Variants in FAM120B observed in about 807,000 individuals in gnomAD.
The protein encoded by FAM120B is constitutive coactivator of peroxisome proliferator-activated receptor gamma.
Under a neutral mutation model 96.3 loss-of-function variants are expected in FAM120B, and 83 were observed. The ratio of observed to expected loss-of-function variants is 0.86; its 90% CI spans 0.72 to 1.03. The LOEUF is 1.03. Among genes scored for constraint, FAM120B ranks in the 50% least tolerant of loss-of-function variants. The pLI is 0.00. For synonymous variants in FAM120B, 407 were observed against 402.7 expected (o/e 1.01, Z -0.13); for missense variants, 1,027 against 1,121.2 (o/e 0.92, Z 1.20).
chr6:170,317,181 T>C (rs185096788), intron 1 of FAM120B, among the ~76,000 whole-genome samples, 189 bp from the exon 2 acceptor site: 1 of 152,370 alleles, frequency 6.6e-6, no homozygotes, highest in East Asian at 1.9e-4. Context: ...AATTAACTTA[T>C]ACTTAGGTAA....
chr6:170,372,841 T>C (rs576138526), intron 6 of FAM120B, among the ~76,000 whole-genome samples: 3 of 152,362 alleles, frequency 2.0e-5, no homozygotes, highest in Admixed American at 6.5e-5. Context: ...ATTTTAGTTA[T>C]AAAATCAAAC....
rs146723259 is a variant in FAM120B at position 170,295,452 on chromosome 6, A to T, written c.47A>T (p.Glu16Val). 3.7e-5 allele frequency: 26 copies of T among 701,160 alleles called. No individual in the cohort carries two copies. Among genetic ancestry groups the T allele is most frequent in the Admixed American group, 4.0e-5 (2 of 49,952 alleles). The allele number at this position is 701,160 out of a possible 1,614,324, so 43.4% of individuals were successfully genotyped here. A position where few individuals can be genotyped will look rare whatever the true frequency, so the allele number is the denominator to read the frequency against. ...ACCAGCGCTGGCGCAGGCAGGAAGG[A>T]GGTGAGCGCCGCCCGCGTGCACACA... Residue 16 changes from glutamate to valine, a missense_variant and splice_region_variant, in exon 1 of 11, where the codon GAG (glutamate) becomes GTG (valine). Transcript: ENST00000537664. This position sits in a 1 kb window ranked among gnomAD's most constrained non-coding sequence, Gnocchi z 7.8.
chr6:170,298,390 C>T (rs1006293047), intron 1 of FAM120B: 3 of 152,224 alleles, frequency 2.0e-5, no homozygotes, highest in African/African-American at 7.2e-5. Flanking sequence ...GCATTCCTTG[C>T]TTTCAACAGT....
chr6:170,315,588 T>A (rs1420052880), intron 1 of FAM120B, among the ~76,000 whole-genome samples: 1 of 152,190 alleles, frequency 6.6e-6, no homozygotes, highest in African/African-American at 2.4e-5. Flanking sequence ...TGTAGTGATT[T>A]GGTGTAGATG....
In FAM120B at chr6:170,363,186, T is replaced by A. The variant is rs1788571193; in HGVS notation, c.2283+4868T>A. 6.6e-6 allele frequency among the ~76,000 whole-genome samples: 1 copy of A among 152,210 alleles called. No homozygotes were observed. Among genetic ancestry groups the A allele is most frequent in the Admixed American group, 6.5e-5 (1 of 15,278 alleles). Reference sequence around the variant, plus strand: ...ACTGTTAGGGAATTCTGGCTCCGTCTCTTACACACTGAGAACTCCATGAGC... The same window carrying A: ...ACTGTTAGGGAATTCTGGCTCCGTCACTTACACACTGAGAACTCCATGAGC... On this transcript the variant is annotated intron_variant, in intron 6 of 10. Coordinates refer to ENST00000476287, the MANE Select transcript of FAM120B (RefSeq NM_032448.3). This position sits in a 1 kb window ranked among gnomAD's most constrained non-coding sequence, Gnocchi z 4.5.
In FAM120B at chr6:170,319,034, A is replaced by C; in HGVS notation, c.1644A>C (p.Thr548=). The change falls in exon 2 of 11, where the codon ACA becomes ACC. Residue 548 remains threonine, a synonymous_variant. Transcript: ENST00000476287. ...FEFKLEALMC[T]NPEIKQEDPT... is the part of the protein sequence containing the mutation. ...TTAAGCTAGAAGCTCTCATGTGTAC[A>C]AACCCTGAAATTAAACAAGAAGACC... 6.2e-7 allele frequency: 1 copy of C among 1,611,094 alleles called. No individual in the cohort carries two copies. Among genetic ancestry groups the C allele is most frequent in the Non-Finnish European group, 8.5e-7 (1 of 1,178,682 alleles).
At chr6:170,301,456 C>T (rs1018827777) in intron 1 of FAM120B, among the ~76,000 whole-genome samples, 2 of 152,250 alleles carry the variant, frequency 1.3e-5, no homozygotes, top group Non-Finnish European at 2.9e-5. Flanking sequence ...CTCTAACATA[C>T]CCTGGAGACA....
chr6:170,308,719 G>A (rs1488496073), intron 1 of FAM120B, among the ~76,000 whole-genome samples: 2 of 152,162 alleles, frequency 1.3e-5, no homozygotes, highest in Non-Finnish European at 2.9e-5. Flanking sequence ...CTGCAAAACT[G>A]GCTATTTGTC....
At chr6:170,302,551 T>C (rs536945858), upstream of FAM120B, among the ~76,000 whole-genome samples, 92 of 152,346 alleles carry the variant, frequency 6.0e-4, no homozygotes, top group African/African-American at 2.2e-3. Flanking sequence ...AAGGGTCAAC[T>C]TGTTACCAAG....
chr6:170,318,320 A>G lies in FAM120B; in HGVS notation c.930A>G (p.Lys310=), dbSNP rs757579507. 1 of 1,614,214 alleles carries G rather than the reference A, an allele frequency of 6.2e-7. No individual in the cohort carries two copies. The highest frequency in any genetic ancestry group is 8.5e-7 in the Non-Finnish European group (1 of 1,180,036). Residue 310 remains lysine (K), a synonymous_variant, in exon 2 of 11, where the codon AAA becomes AAG. Coordinates refer to ENST00000476287, the MANE Select transcript of FAM120B (RefSeq NM_032448.3). ...CATCATATCTTTTACCAGGACAAAA[A>G]TCTCCATGGTTTTTCCAAAAACCCA... ...GMASYLLPGQ[K]SPWFFQKPKG...
rs59202158 is a variant in FAM120B, at chr6:170,352,954, GT to G, written c.2190+4640del. Among the ~76,000 whole-genome samples the G allele has an allele frequency of 1.6e-3, 234 of 150,914 alleles. 1 individual carries two copies. The highest frequency in any genetic ancestry group is 5.3e-3 in the African/African-American group (217 of 41,188). On this transcript the variant is annotated intron_variant, in intron 5 of 10. Transcript: ENST00000476287. ...AAAAAAATCAATGAATCCAGGAGCT[GT>G]TTTTTTTTAAATTAATAGACCACTA...
intron 3 of FAM120B, 80 bp downstream of exon 3, chr6:170,323,339 C>T: frequency 1.7e-6 from 2 of 1,196,134 alleles, no homozygotes; most frequent in South Asian, 2.9e-5. Context: ...AAATAGAGTG[C>T]ATTCTTTCAA....
chr6:170,295,941 G>T lies in FAM120B; in HGVS notation c.48+488G>T, dbSNP rs1286251757. 1.3e-5 allele frequency among the ~76,000 whole-genome samples: 2 copies of T among 151,946 alleles called. No homozygotes were observed. The highest frequency in any genetic ancestry group is 2.4e-5 in the African/African-American group (1 of 41,388). ...GGGCGGGTCGCGTGGCTCAGCTGGC[G>T]GCCCCGGCGCAGATGACGGCTCGGC... On this transcript the variant is annotated intron_variant, in intron 1 of 10. Transcript: ENST00000537664. The surrounding 1 kb of genome is among the most constrained non-coding windows in gnomAD (Gnocchi z 7.8).
At chr6:170,310,355 A>G (rs1784522540) in intron 1 of FAM120B, among the ~76,000 whole-genome samples, 1 of 152,302 alleles carries the variant, frequency 6.6e-6, no homozygotes, top group Admixed American at 6.5e-5. Flanking sequence ...GACTGGGAAT[A>G]ATGTAGGAAG....
In FAM120B at chr6:170,363,724, T is replaced by C. The variant is rs1305291129; in HGVS notation, c.2283+5406T>C. Among the ~76,000 whole-genome samples, 1 of 152,264 alleles carries C rather than the reference T, an allele frequency of 6.6e-6. No homozygotes were observed. Among genetic ancestry groups the C allele is most frequent in the African/African-American group, 2.4e-5 (1 of 41,472 alleles). On this transcript the variant is annotated intron_variant, in intron 6 of 10. Coordinates refer to ENST00000476287, the MANE Select transcript of FAM120B (RefSeq NM_032448.3). This position sits in a 1 kb window ranked among gnomAD's most constrained non-coding sequence, Gnocchi z 4.5. Reference sequence around the variant, plus strand: ...GTGCACCAGCGAAACATGGCATTCCTACAGTGAGATTATATCAAGAAAGCA... The same window carrying C: ...GTGCACCAGCGAAACATGGCATTCCCACAGTGAGATTATATCAAGAAAGCA...
chr6:170,315,236 C>G (rs151096384), intron 1 of FAM120B, among the ~76,000 whole-genome samples: 3 of 152,312 alleles, frequency 2.0e-5, no homozygotes, highest in Non-Finnish European at 2.9e-5. Context: ...GCCAGCTCAT[C>G]ATCAGCAAAC....
At chr6:170,385,172 A>G (rs188766261) in intron 6 of FAM120B, among the ~76,000 whole-genome samples, 1 of 152,342 alleles carries the variant, frequency 6.6e-6, no homozygotes, top group East Asian at 1.9e-4. Flanking sequence ...GAAATCAGTA[A>G]TAACAATAAG....
chr6:170,338,995 CTT>C (rs1022915592), intron 4 of FAM120B, among the ~76,000 whole-genome samples: 2 of 152,156 alleles, frequency 1.3e-5, no homozygotes, highest in African/African-American at 4.8e-5. Context: ...CAGTCTGTGT[CTT>C]TTAATTGGGG....
intron 4 of FAM120B, among the ~76,000 whole-genome samples, chr6:170,333,030 G>T (rs1786163516): frequency 6.6e-6 from 1 of 152,028 alleles, no homozygotes; most frequent in Non-Finnish European, 1.5e-5. Context: ...AGGCCGAAGG[G>T]TGCAGAAAAA....
Sources: gnomAD v4.1 joint callset for allele counts (sites outside exome capture counted in the v4.1 genomes callset) on GRCh38, gnomAD v4.1.1 for gene constraint, Gnocchi (gnomAD v3.1) non-coding constraint, MANE v1.5 for transcripts, NCBI Gene and HGNC (gene_info 2026-07-23, HGNC 2026-07-21) for gene names.